CRPPA: variants seen among roughly 807,000 people sequenced by gnomAD.
CRPPA encodes the protein D-ribitol-5-phosphate cytidylyltransferase.
In CRPPA, 43 loss-of-function variants were observed where a neutral mutation model predicts 52.0. That is an observed-to-expected ratio of 0.83 (90% CI 0.65 to 1.07). The LOEUF (loss-of-function observed/expected upper bound fraction) is 1.07. Among genes scored for constraint, CRPPA ranks in the 50% least tolerant of loss-of-function variants. The pLI, the probability that CRPPA is intolerant of heterozygous loss-of-function variation, is 0.00. For missense variants in CRPPA, 629 were observed against 551.7 expected, an observed-to-expected ratio of 1.14 and a Z score of -1.40; for synonymous variants, 250 against 203.5, an observed-to-expected ratio of 1.23 and a Z score of -1.94.
chr7:16,116,740 A>G (rs1562512029), intron 9 of CRPPA, among the ~76,000 whole-genome samples: 1 of 152,264 alleles, frequency 6.6e-6, no homozygotes, highest in East Asian at 1.9e-4. Flanking sequence ...AACATTCCAG[A>G]ATAAAGGAGA....
At chr7:16,117,947 A>T (rs753818651) in intron 9 of CRPPA, among the ~76,000 whole-genome samples, 2 of 152,186 alleles carry the variant, frequency 1.3e-5, no homozygotes, top group Non-Finnish European at 2.9e-5. Flanking sequence ...AGACATGAGT[A>T]AGCTTTAAAA....
chr7:16,145,343 C>A (rs181680639), intron 9 of CRPPA, among the ~76,000 whole-genome samples: 1 of 152,268 alleles, frequency 6.6e-6, no homozygotes, highest in Non-Finnish European at 1.5e-5. Flanking sequence ...AACAGTCCTA[C>A]CAGGTTAGAG....
At chr7:16,171,322 C>A (rs75686882) in intron 9 of CRPPA, among the ~76,000 whole-genome samples, 1 of 152,030 alleles carries the variant, frequency 6.6e-6, no homozygotes, top group Non-Finnish European at 1.5e-5. Flanking sequence ...AAAATATAAA[C>A]GTTACTTTTT....
At chr7:16,313,144 T>C (rs1452334578) in intron 3 of CRPPA, among the ~76,000 whole-genome samples, 4 of 151,992 alleles carry the variant, frequency 2.6e-5, no homozygotes, top group Non-Finnish European at 4.4e-5. Flanking sequence ...ATAGAGTTAG[T>C]ATAATTTCTT....
At chr7:16,222,077 A>C (rs1363001725) in intron 8 of CRPPA, among the ~76,000 whole-genome samples, 1 of 150,848 alleles carries the variant, frequency 6.6e-6, no homozygotes, top group Non-Finnish European at 1.5e-5. Context: ...CTGGATTAAG[A>C]AAATGTGGCA....
chr7:16,255,388 T>C (rs1325207714), intron 8 of CRPPA, among the ~76,000 whole-genome samples: 1 of 152,166 alleles, frequency 6.6e-6, no homozygotes, highest in Non-Finnish European at 1.5e-5. Context: ...ATAGATTCAG[T>C]GCTATCCCCA....
At chr7:16,224,366 C>T (rs1174068677) in intron 8 of CRPPA, among the ~76,000 whole-genome samples, 4 of 152,132 alleles carry the variant, frequency 2.6e-5, no homozygotes. Context: ...TAAAACCCCA[C>T]ATTTAACACT....
chr7:16,113,143 A>G (rs987909071), intron 9 of CRPPA, among the ~76,000 whole-genome samples: 4 of 152,090 alleles, frequency 2.6e-5, no homozygotes, highest in African/African-American at 9.6e-5. Flanking sequence ...GAGACCTGAA[A>G]TACAAAAGAC....
chr7:16,351,893 C>T (rs1048317372), intron 3 of CRPPA, among the ~76,000 whole-genome samples: 7 of 152,096 alleles, frequency 4.6e-5, no homozygotes, highest in Non-Finnish European at 2.9e-5. Context: ...TACCATTTGA[C>T]CCAACAATCC....
At chr7:16,280,977 G>A (rs998716420) in intron 5 of CRPPA, among the ~76,000 whole-genome samples, 6 of 152,074 alleles carry the variant, frequency 3.9e-5, no homozygotes, top group African/African-American at 1.2e-4. Context: ...CCAAGATCAC[G>A]CCACTACACT....
intron 3 of CRPPA, among the ~76,000 whole-genome samples, chr7:16,372,520 C>T (rs1176566200): frequency 6.6e-6 from 1 of 152,116 alleles, no homozygotes; most frequent in East Asian, 1.9e-4. Flanking sequence ...CACTACCAAA[C>T]CAGCACTACA....
chr7:16,172,004 T>C (rs1046503193), intron 9 of CRPPA, among the ~76,000 whole-genome samples: 5 of 152,210 alleles, frequency 3.3e-5, no homozygotes, highest in Non-Finnish European at 7.3e-5. Flanking sequence ...TTCCTCATTT[T>C]CTATTGAAAA....
intron 8 of CRPPA, among the ~76,000 whole-genome samples, chr7:16,239,546 T>C (rs904651317): frequency 7.0e-5 from 3 of 42,820 alleles, no homozygotes; most frequent in African/African-American, 1.9e-4. Flanking sequence ...ATTATTTAAA[T>C]AGAAGTCAAT....
intron 8 of CRPPA, among the ~76,000 whole-genome samples, chr7:16,231,613 C>A (rs912982312): frequency 4.0e-5 from 6 of 149,208 alleles, no homozygotes; most frequent in African/African-American, 1.4e-4. Flanking sequence ...CAAAATTACA[C>A]AGTCTAAGCT....
chr7:16,109,550 A>T (rs1782219966), intron 9 of CRPPA, among the ~76,000 whole-genome samples: 1 of 152,016 alleles, frequency 6.6e-6, no homozygotes, highest in African/African-American at 2.4e-5. Flanking sequence ...ATTGCAGACC[A>T]ATATCTTTCA....
chr7:16,106,956 C>T (rs78684114), intron 9 of CRPPA, among the ~76,000 whole-genome samples: 1,685 of 151,678 alleles, frequency 0.011, 37 homozygotes, highest in African/African-American at 0.039. Flanking sequence ...GATAAAAATC[C>T]TAGAAATAAA....
intron 3 of CRPPA, among the ~76,000 whole-genome samples, chr7:16,337,592 A>T (rs948636307): frequency 2.0e-5 from 3 of 152,108 alleles, no homozygotes; most frequent in Non-Finnish European, 2.9e-5. Flanking sequence ...AGGAAAAAAA[A>T]ATTGACAACT....
At chr7:16,197,143 G>T (rs563060419) in intron 9 of CRPPA, among the ~76,000 whole-genome samples, 2 of 152,252 alleles carry the variant, frequency 1.3e-5, no homozygotes, top group East Asian at 3.9e-4. Context: ...GGGCAAGAAG[G>T]AAAACCGAGT....
chr7:16,263,422 AAACTTT>A (rs1783865616), intron 6 of CRPPA, among the ~76,000 whole-genome samples: 1 of 152,200 alleles, frequency 6.6e-6, no homozygotes, highest in South Asian at 2.1e-4. Flanking sequence ...TGTATTTCTT[AAACTTT>A]AACAGTTAGT....
Sources: gnomAD v4.1 joint callset for allele counts (sites outside exome capture counted in the v4.1 genomes callset) on GRCh38, gnomAD v4.1.1 for gene constraint, MANE v1.5 for transcripts, NCBI Gene and HGNC (gene_info 2026-07-23, HGNC 2026-07-21) for gene names.